IKBIP: variants seen among roughly 807,000 people sequenced by gnomAD.
IKBIP encodes the protein inhibitor of nuclear factor kappa-B kinase-interacting protein.
Under a neutral mutation model 31.0 loss-of-function variants are expected in IKBIP, and 28 were observed. The ratio of observed to expected loss-of-function variants is 0.90; its 90% CI spans 0.67 to 1.24. The LOEUF (loss-of-function observed/expected upper bound fraction) is 1.24. Ranked by LOEUF, IKBIP falls within the 50% of genes most tolerant of loss-of-function variation. IKBIP has a pLI of 0.00. For missense variants in IKBIP, 453 were observed against 441.9 expected (o/e 1.03, Z -0.23); for synonymous variants, 164 against 160.3 (o/e 1.02, Z -0.17).
intron 2 of IKBIP, among the ~76,000 whole-genome samples, chr12:98,628,912 A>G (rs994751670): frequency 2.6e-5 from 4 of 152,214 alleles, no homozygotes; most frequent in Admixed American, 1.3e-4. Flanking sequence ...GATTATAAGT[A>G]GCGTCACAAA....
At chr12:98,634,542 T>C (rs988258232) in intron 1 of IKBIP, 129 bp from the exon 2 acceptor site, 2 of 569,536 alleles carry the variant, frequency 3.5e-6, no homozygotes, top group African/African-American at 3.9e-5. Context: ...AGGTTTTTTT[T>C]TTTTTTTTTT....
In IKBIP at chr12:98,625,872, C is replaced by G. The variant is rs1029612143; in HGVS notation, c.*58G>C. The stretch of plus-strand genomic sequence containing the variant: ...GAGGCGTATCAAAGTAACTCAAAAT[C>G]AATGGACTAATCAATTTATGTATAA... On this transcript the variant is annotated 3_prime_UTR_variant, in exon 3 of 3. Coordinates refer to ENST00000299157, the MANE Select transcript of IKBIP (RefSeq NM_153687.4). The G allele has an allele frequency of 7.7e-7, 1 of 1,300,284 alleles. No individual in the cohort carries two copies. Among genetic ancestry groups the G allele is most frequent in the Non-Finnish European group, 1.0e-6 (1 of 993,656 alleles). The allele number at this position is 1,300,284 out of a possible 1,614,324, so 80.5% of individuals were successfully genotyped here. A position where few individuals can be genotyped will look rare whatever the true frequency, so the allele number is the denominator to read the frequency against.
chr12:98,638,136 G>C (rs916351372), intron 1 of IKBIP, among the ~76,000 whole-genome samples: 27 of 152,128 alleles, frequency 1.8e-4, no homozygotes, highest in Admixed American at 1.3e-4. Flanking sequence ...GCCTTTTGTT[G>C]GGGATTAATA....
intron 1 of IKBIP, among the ~76,000 whole-genome samples, chr12:98,635,247 G>A (rs2097624812): frequency 6.7e-6 from 1 of 150,152 alleles, no homozygotes; most frequent in South Asian, 2.1e-4. Flanking sequence ...CCAGTGATCT[G>A]CCCGCCTTGG....
downstream of IKBIP, among the ~76,000 whole-genome samples, chr12:98,619,816 G>C (rs2097608600): frequency 6.9e-6 from 1 of 145,164 alleles, no homozygotes; most frequent in Non-Finnish European, 1.5e-5. Flanking sequence ...AGGTTGCAGT[G>C]AGCTGAGATC....
exon 3 of IKBIP, chr12:98,614,300 A>G (rs551629289): frequency 1.3e-6 from 2 of 1,597,268 alleles, no homozygotes; most frequent in Non-Finnish European, 1.7e-6. Flanking sequence ...AATTATTTGA[A>G]AAGACTTCAA....
Position 98,624,720 on chromosome 12 carries a change from A to G in IKBIP, c.*1210T>C. 1.1e-6 allele frequency: 1 copy of G among 894,214 alleles called. No homozygotes were observed. The highest frequency in any genetic ancestry group is 1.3e-6 in the Non-Finnish European group (1 of 746,860). The allele number at this position is 894,214 out of a possible 1,614,324, so 55.4% of individuals were successfully genotyped here. A position where few individuals can be genotyped will look rare whatever the true frequency, so the allele number is the denominator to read the frequency against. On this transcript the variant is annotated 3_prime_UTR_variant, in exon 3 of 3. Coordinates refer to ENST00000299157, the MANE Select transcript of IKBIP (RefSeq NM_153687.4). ...GTTTGGGAAATCTTTAAAATGACGTATTTTTAACTATCATAGTTATTATCA... is the reference window on the plus strand; with the variant it reads ...GTTTGGGAAATCTTTAAAATGACGTGTTTTTAACTATCATAGTTATTATCA...
downstream of IKBIP, among the ~76,000 whole-genome samples, chr12:98,619,554 G>C (rs984904614): frequency 1.3e-5 from 2 of 152,088 alleles, no homozygotes; most frequent in Admixed American, 1.3e-4. Context: ...AATTACTTCG[G>C]GTTTGGTTAA....
At chr12:98,641,601 C>G (rs2097630498) in intron 1 of IKBIP, among the ~76,000 whole-genome samples, 1 of 152,116 alleles carries the variant, frequency 6.6e-6, no homozygotes, top group Admixed American at 6.5e-5. Flanking sequence ...ACAAGAGCAA[C>G]TAAGAGGCAA....
At chr12:98,619,344 A>G (rs1325624504), downstream of IKBIP, among the ~76,000 whole-genome samples, 1 of 152,180 alleles carries the variant, frequency 6.6e-6, no homozygotes, top group Admixed American at 6.5e-5. Flanking sequence ...TAGCAATTAA[A>G]CAATTAAGAT....
chr12:98,623,195 C>A (rs1236507048), downstream of IKBIP, among the ~76,000 whole-genome samples: 1 of 151,006 alleles, frequency 6.6e-6, no homozygotes, highest in Non-Finnish European at 1.5e-5. Context: ...CCAGGCTGGT[C>A]TTGAACTCCT....
At chr12:98,644,084 T>C (rs1353506583) in intron 1 of IKBIP, among the ~76,000 whole-genome samples, 2 of 152,200 alleles carry the variant, frequency 1.3e-5, no homozygotes, top group Non-Finnish European at 2.9e-5. Context: ...CCAAACATAA[T>C]GATCTGTTTT....
downstream of IKBIP, among the ~76,000 whole-genome samples, chr12:98,621,068 T>C (rs571226805): frequency 6.6e-6 from 1 of 151,940 alleles, no homozygotes; most frequent in African/African-American, 2.4e-5. Context: ...GCCAACCTGG[T>C]GAAACCCCAT....
At chr12:98,629,192 A>G (rs2097617614) in intron 2 of IKBIP, among the ~76,000 whole-genome samples, 1 of 152,214 alleles carries the variant, frequency 6.6e-6, no homozygotes, top group African/African-American at 2.4e-5. Context: ...ACCCCAATCA[A>G]GACTTAAAGA....
At chr12:98,616,697 T>C (rs905978926) in intron 2 of IKBIP, among the ~76,000 whole-genome samples, 1 of 152,238 alleles carries the variant, frequency 6.6e-6, no homozygotes. Flanking sequence ...TTCATTCTTC[T>C]GCATAGGATA....
At chr12:98,631,829 C>A (rs1384924813) in intron 2 of IKBIP, among the ~76,000 whole-genome samples, 1 of 149,710 alleles carries the variant, frequency 6.7e-6, no homozygotes, top group African/African-American at 2.4e-5. Flanking sequence ...AAATCTTGTT[C>A]AAAATAAGTT....
In IKBIP at chr12:98,633,862, A is replaced by T. The variant is rs574074808; in HGVS notation, c.297+434T>A. ...GCATGTACATATATCCTTAAAAAGC[A>T]AAAAGTAAGGGAAAAAATGGATAGA... On this transcript the variant is annotated intron_variant, in intron 2 of 2. Coordinates refer to ENST00000299157, the MANE Select transcript of IKBIP (RefSeq NM_153687.4). Among the ~76,000 whole-genome samples the T allele has an allele frequency of 5.3e-5, 8 of 152,314 alleles. No individual in the cohort carries two copies. The South Asian group carries it at 1.7e-3, about 32-fold the overall frequency.
intron 2 of IKBIP, among the ~76,000 whole-genome samples, chr12:98,633,081 A>AG (rs2097622506): frequency 6.6e-6 from 1 of 152,136 alleles, no homozygotes; most frequent in African/African-American, 2.4e-5. Context: ...TTATATGCTC[A>AG]TCCTGTGCAT....
At chr12:98,614,352 TATA>T (rs759036354) in intron 2 of IKBIP, 1 of 1,400,434 alleles carries the variant, frequency 7.1e-7, no homozygotes, top group Non-Finnish European at 9.7e-7. Flanking sequence ...TATAAGAAAA[TATA>T]ATATCACAAT....
Sources: allele counts gnomAD v4.1 joint callset (sites outside exome capture counted in the v4.1 genomes callset), GRCh38; gene constraint gnomAD v4.1.1; transcripts MANE v1.5; gene names NCBI Gene and HGNC (gene_info 2026-07-23, HGNC 2026-07-21).